ZC3H8: variants seen among roughly 807,000 people sequenced by gnomAD.
The protein encoded by ZC3H8 is zinc finger CCCH domain-containing protein 8.
In ZC3H8, 27 loss-of-function variants were observed where a neutral mutation model predicts 42.5. The ratio of observed to expected loss-of-function variants is 0.64; its 90% CI spans 0.47 to 0.88. The LOEUF is 0.88. Among genes scored for constraint, ZC3H8 ranks in the 40% least tolerant of loss-of-function variants. The pLI is 0.00. For synonymous variants in ZC3H8, 101 were observed against 110.1 expected, an observed-to-expected ratio of 0.92 and a Z score of 0.52; for missense variants, 277 against 336.1, an observed-to-expected ratio of 0.82 and a Z score of 1.37.
intron 4 of ZC3H8, among the ~76,000 whole-genome samples, chr2:112,234,754 T>C (rs985776056): frequency 6.6e-6 from 1 of 151,306 alleles, no homozygotes; most frequent in Non-Finnish European, 1.5e-5. Context: ...GAGCCAAGAT[T>C]GCACCACTGT....
At chr2:112,226,967 T>C (rs1222979194) in intron 8 of ZC3H8, among the ~76,000 whole-genome samples, 1 of 152,130 alleles carries the variant, frequency 6.6e-6, no homozygotes, top group African/African-American at 2.4e-5. Context: ...TCTCAACAGA[T>C]GCACAGAAAT....
chr2:112,225,745 A>C (rs374318966), intron 8 of ZC3H8, among the ~76,000 whole-genome samples: 2 of 152,328 alleles, frequency 1.3e-5, no homozygotes, highest in East Asian at 3.9e-4. Context: ...TGAACCCAGG[A>C]GACGGAAGTT....
chr2:112,223,182 C>T (rs2104644755), intron 8 of ZC3H8, among the ~76,000 whole-genome samples: 1 of 151,744 alleles, frequency 6.6e-6, no homozygotes, highest in South Asian at 2.1e-4. Context: ...AGGTGCAGCA[C>T]ACCAACATGG....
chr2:112,244,656 T>C (rs1194679477), intron 2 of ZC3H8, among the ~76,000 whole-genome samples: 1 of 152,230 alleles, frequency 6.6e-6, no homozygotes, highest in Non-Finnish European at 1.5e-5. Context: ...ACTCTGTGTC[T>C]CTGTGTCACA....
chr2:112,247,121 A>C (rs1685790676), intron 2 of ZC3H8, among the ~76,000 whole-genome samples: 1 of 152,252 alleles, frequency 6.6e-6, no homozygotes, highest in Non-Finnish European at 1.5e-5. Flanking sequence ...AGTACTGTAT[A>C]GTATAAATGT....
chr2:112,254,138 T>C (rs1293038915), intron 1 of ZC3H8: 3 of 985,224 alleles, frequency 3.0e-6, no homozygotes, highest in African/African-American at 1.7e-5. Flanking sequence ...AAATTTGAGA[T>C]AGAGTGAACA....
rs1684266455 is a variant in ZC3H8, at chr2:112,214,803, A to G, written c.*1681T>C. The G allele has an allele frequency of 6.6e-6, 1 of 152,148 alleles. No homozygotes were observed. Among genetic ancestry groups the G allele is most frequent in the Non-Finnish European group, 1.5e-5 (1 of 68,040 alleles). The allele number at this position is 152,148 out of a possible 1,614,324, so 9.4% of individuals were successfully genotyped here. On this transcript the variant is annotated 3_prime_UTR_variant, in exon 9 of 9. Coordinates refer to ENST00000409573, the MANE Select transcript of ZC3H8 (RefSeq NM_032494.3). The stretch of plus-strand genomic sequence containing the variant: ...CCCAGGTAGGAGAGACCCACAGGCT[A>G]GCAGCTGCTTTGAGAACACAGGACA...
chr2:112,219,478 C>T (rs1223082898), intron 8 of ZC3H8, among the ~76,000 whole-genome samples: 1 of 152,146 alleles, frequency 6.6e-6, no homozygotes, highest in Non-Finnish European at 1.5e-5. Context: ...CTATAAAGCT[C>T]ATAGAGGAAA....
At position 112,254,948 on chromosome 2, in the gene ZC3H8, TG is replaced by T. The variant is rs759699281; in HGVS notation, c.33del (p.Asn12ThrfsTer19). On this transcript the variant is annotated frameshift_variant, in exon 1 of 9. Transcript: ENST00000409573. LOFTEE classifies it high-confidence loss of function. MDFENLFSKP[P>X]NPALGKTATD... ...GTGGCCGTTTTGCCGAGGGCCGGGT[TG>T]GGGGGTTTTGAGAAAAGATTCTCAA... The T allele has an allele frequency of 2.2e-5, 36 of 1,613,092 alleles. No homozygotes were observed. Among genetic ancestry groups the T allele is most frequent in the Non-Finnish European group, 2.8e-5 (33 of 1,179,596 alleles).
intron 2 of ZC3H8, among the ~76,000 whole-genome samples, chr2:112,241,009 T>TG (rs1685562996): frequency 6.9e-6 from 1 of 145,468 alleles, no homozygotes; most frequent in Non-Finnish European, 1.5e-5. Flanking sequence ...GTGTTGTGTT[T>TG]TGTGTGTGTG....
rs532779454 is a variant in ZC3H8 at position 112,247,853 on chromosome 2, C to A, written c.156+2338G>T. On this transcript the variant is annotated intron_variant, in intron 2 of 8. Coordinates refer to ENST00000409573, the MANE Select transcript of ZC3H8 (RefSeq NM_032494.3). ...AAGACTGAGGCCTATGTGACTCAAGCAGTATAAAAAACTTGTGGGAAGTTG... is the reference window on the plus strand; with the variant it reads ...AAGACTGAGGCCTATGTGACTCAAGAAGTATAAAAAACTTGTGGGAAGTTG... 1.1e-4 allele frequency among the ~76,000 whole-genome samples: 16 copies of A among 152,256 alleles called. 1 individual carries two copies. Among genetic ancestry groups the A allele is most frequent in the South Asian group, 8.3e-4 (4 of 4,824 alleles).
intron 2 of ZC3H8, among the ~76,000 whole-genome samples, chr2:112,242,356 G>C (rs778295348): frequency 6.6e-6 from 1 of 152,090 alleles, no homozygotes; most frequent in African/African-American, 2.4e-5. Flanking sequence ...AATTTTATTG[G>C]AACATAGGCA....
intron 8 of ZC3H8, among the ~76,000 whole-genome samples, chr2:112,216,773 A>G (rs1177526629): frequency 1.3e-5 from 2 of 152,046 alleles, no homozygotes; most frequent in Non-Finnish European, 2.9e-5. Context: ...AATGAAGACT[A>G]TATTACAAGA....
intron 8 of ZC3H8, among the ~76,000 whole-genome samples, chr2:112,216,682 G>GA (rs1684336910): frequency 2.4e-5 from 2 of 85,046 alleles, no homozygotes; most frequent in African/African-American, 1.1e-4. Flanking sequence ...TAGAACTGAA[G>GA]CAAAAAAAAA....
chr2:112,254,825 G>A, intron 1 of ZC3H8, 83 bp downstream of exon 1: 1 of 1,485,404 alleles, frequency 6.7e-7, no homozygotes, highest in Non-Finnish European at 9.1e-7. Context: ...ACGTGGCCCC[G>A]GACTGCCTCC....
rs1198496742 is a variant in ZC3H8 at position 112,232,005 on chromosome 2, C to T, written c.734-58G>A. On this transcript the variant is annotated intron_variant, in intron 6 of 8. Coordinates refer to ENST00000409573, the MANE Select transcript of ZC3H8 (RefSeq NM_032494.3). Reference sequence around the variant, plus strand: ...AATCCAATTGAAATAATGTTATTAACTTAATGACTTTATTTTTCCTAAATA... The same window carrying T: ...AATCCAATTGAAATAATGTTATTAATTTAATGACTTTATTTTTCCTAAATA... 7.7e-6 allele frequency: 8 copies of T among 1,045,442 alleles called. No individual in the cohort carries two copies. The East Asian group carries it at 1.9e-4, about 25-fold the overall frequency. The allele number at this position is 1,045,442 out of a possible 1,614,324, so 64.8% of individuals were successfully genotyped here.
rs1573907125 is a variant in ZC3H8, at chr2:112,234,715, G to A, written c.505-479C>T. ...CTCTAGAGGCTGAGGCAGGAGAATC[G>A]CTTGAACCCAGGAGGCAGAGGTTGC... On this transcript the variant is annotated intron_variant, in intron 4 of 8. Transcript: ENST00000409573. 2.6e-5 allele frequency among the ~76,000 whole-genome samples: 4 copies of A among 151,740 alleles called. No individual in the cohort carries two copies. In the South Asian group the frequency reaches 8.3e-4, roughly 32 times the overall value.
At chr2:112,234,366 A>C in intron 4 of ZC3H8, 130 bp from the exon 5 acceptor site, 2 of 645,072 alleles carry the variant, frequency 3.1e-6, no homozygotes, top group South Asian at 4.3e-5. Context: ...CTTCATATGT[A>C]AAATTTGGAT....
chr2:112,241,080 T>G (rs1685567078), intron 2 of ZC3H8, among the ~76,000 whole-genome samples: 1 of 151,670 alleles, frequency 6.6e-6, no homozygotes, highest in Non-Finnish European at 1.5e-5. Flanking sequence ...AAATTTCTGA[T>G]AGACAAAAAG....
Sources: gnomAD v4.1 joint callset for allele counts (sites outside exome capture counted in the v4.1 genomes callset) on GRCh38, gnomAD v4.1.1 for gene constraint, MANE v1.5 for transcripts, NCBI Gene and HGNC (gene_info 2026-07-23, HGNC 2026-07-21) for gene names.